Variants in ODF2L observed in about 807,000 individuals in gnomAD.
ODF2L encodes the protein protein BCAP.
In ODF2L, 76 loss-of-function variants were observed where a neutral mutation model predicts 86.3. The observed-to-expected ratio is 0.88, with a 90% CI of 0.73 to 1.07. The LOEUF (loss-of-function observed/expected upper bound fraction) is 1.07, where lower values mean the gene tolerates loss of function less well. Among genes scored for constraint, ODF2L ranks in the 50% least tolerant of loss-of-function variants. The pLI is 0.00. For synonymous variants in ODF2L, 241 were observed against 231.3 expected (o/e 1.04, Z -0.38); for missense variants, 748 against 717.4 (o/e 1.04, Z -0.49).
intron 17 of ODF2L, chr1:86,352,287 C>A: frequency 2.2e-6 from 3 of 1,381,172 alleles, no homozygotes; most frequent in Non-Finnish European, 2.8e-6. Context: ...ATGAGTAATG[C>A]TAGCTTTCAG....
chr1:86,362,970 T>C (rs1273559464), intron 11 of ODF2L, among the ~76,000 whole-genome samples: 1 of 152,116 alleles, frequency 6.6e-6, no homozygotes, highest in Non-Finnish European at 1.5e-5. Flanking sequence ...TACATTTTTA[T>C]AGAAACAACT....
exon 18 of ODF2L, chr1:86,351,940 G>T: frequency 8.3e-7 from 1 of 1,198,994 alleles, no homozygotes; most frequent in Non-Finnish European, 1.0e-6. Context: ...TTTTTTCAGA[G>T]GCTTCAATTA....
At chr1:86,376,647 G>A (rs1660194056) in intron 7 of ODF2L, among the ~76,000 whole-genome samples, 1 of 152,044 alleles carries the variant, frequency 6.6e-6, no homozygotes, top group Non-Finnish European at 1.5e-5. Context: ...AGAAGGCAGA[G>A]GAAGAAAGGA....
At chr1:86,363,440 T>TA (rs1254990760) in intron 11 of ODF2L, among the ~76,000 whole-genome samples, 1 of 152,190 alleles carries the variant, frequency 6.6e-6, no homozygotes. Flanking sequence ...AGATTTGTTT[T>TA]AAAATTAGCA....
chr1:86,347,698 G>A (rs1657881123), downstream of ODF2L: 1 of 152,174 alleles, frequency 6.6e-6, no homozygotes, highest in African/African-American at 2.4e-5. Flanking sequence ...TCATAGGCTG[G>A]AACTGTGTAG....
intron 1 of ODF2L, among the ~76,000 whole-genome samples, chr1:86,392,617 T>C (rs562890553): frequency 1.3e-5 from 2 of 152,028 alleles, no homozygotes; most frequent in East Asian, 3.9e-4. Flanking sequence ...GCTATGAGGA[T>C]GCAAAGGGGT....
chr1:86,347,299 A>G (rs1657855070), downstream of ODF2L: 1 of 152,204 alleles, frequency 6.6e-6, no homozygotes, highest in African/African-American at 2.4e-5. Flanking sequence ...TTATATGACT[A>G]AGATACATTT....
chr1:86,350,622 T>C (rs111445636), exon 18 of ODF2L: 5 of 152,224 alleles, frequency 3.3e-5, no homozygotes, highest in Non-Finnish European at 5.9e-5. Flanking sequence ...TACCCAGTAA[T>C]GGGATTGCTG....
Position 86,392,774 on chromosome 1 carries a change from T to A in ODF2L, c.-60+3259A>T, listed in dbSNP as rs1570447270. 2.6e-5 allele frequency among the ~76,000 whole-genome samples: 4 copies of A among 152,246 alleles called. No homozygotes were observed. In the South Asian group the frequency reaches 8.3e-4, roughly 32 times the overall value. On this transcript the variant is annotated intron_variant, in intron 1 of 17. Transcript: ENST00000317336. ...AAATCACCACTCAAGAACTCACTCA[T>A]GTAACCAAATACCACCTGTTCCCCA...
intron 11 of ODF2L, among the ~76,000 whole-genome samples, chr1:86,368,000 C>T (rs1659561277): frequency 6.6e-6 from 1 of 152,114 alleles, no homozygotes; most frequent in South Asian, 2.1e-4. Flanking sequence ...CATTAATTGT[C>T]TGAACCATGT....
intron 11 of ODF2L, among the ~76,000 whole-genome samples, chr1:86,363,264 T>C (rs1659171622): frequency 6.6e-6 from 1 of 152,182 alleles, no homozygotes; most frequent in Non-Finnish European, 1.5e-5. Context: ...ATGACAACTT[T>C]TAGACACCTA....
downstream of ODF2L, chr1:86,348,373 CA>C (rs1657911830): frequency 6.6e-6 from 1 of 150,998 alleles, no homozygotes; most frequent in African/African-American, 2.4e-5. Context: ...TAATATAAAA[CA>C]ATTATATATA....
At chr1:86,352,114 C>T in exon 18 of ODF2L, 3 of 1,455,922 alleles carry the variant, frequency 2.1e-6, no homozygotes, top group East Asian at 2.6e-5. Flanking sequence ...TCAAATTGTG[C>T]ATGCCAAAAA....
In ODF2L at chr1:86,354,605, C is replaced by T. The variant is rs756006804; in HGVS notation, c.1692G>A (p.Lys564=). 7.5e-6 allele frequency: 12 copies of T among 1,609,972 alleles called. No individual in the cohort carries two copies. In the South Asian group the frequency reaches 1.2e-4, roughly 16 times the overall value. The stretch of plus-strand genomic sequence containing the variant: ...TATACTCTGCAGATTTCTCTTTAAA[C>T]TTAAGATTGCTGTGCTTAAGACATT... Residue 564 remains lysine (K), a synonymous_variant, in exon 16 of 18, where the codon AAG becomes AAA. Transcript: ENST00000317336.
At chr1:86,355,356 CAG>C in intron 14 of ODF2L, 1 of 1,538,800 alleles carries the variant, frequency 6.5e-7, no homozygotes, top group Non-Finnish European at 8.8e-7. Flanking sequence ...CATGCCAAGA[CAG>C]AATATTCTTC....
At chr1:86,381,339 C>T (rs1353293509) in intron 7 of ODF2L, among the ~76,000 whole-genome samples, 1 of 152,106 alleles carries the variant, frequency 6.6e-6, no homozygotes, top group African/African-American at 2.4e-5. Context: ...TTTACTATGA[C>T]AGACCACTGC....
chr1:86,358,502 T>C (rs1193200564), intron 13 of ODF2L: 6 of 170,424 alleles, frequency 3.5e-5, no homozygotes, highest in African/African-American at 1.4e-4. Flanking sequence ...TTATGATTGA[T>C]AACCATTTTT....
chr1:86,377,796 A>G (rs1660281676), intron 7 of ODF2L, among the ~76,000 whole-genome samples: 1 of 152,226 alleles, frequency 6.6e-6, no homozygotes, highest in Non-Finnish European at 1.5e-5. Context: ...CCCAGCCCAC[A>G]AAACCACTTT....
intron 14 of ODF2L, chr1:86,355,226 T>C (rs1658450056): frequency 1.4e-6 from 1 of 694,854 alleles, no homozygotes; most frequent in Non-Finnish European, 2.4e-6. Flanking sequence ...TCTCTTATGG[T>C]TTTCTGTTTC....
Sources: gnomAD v4.1 joint callset for allele counts (sites outside exome capture counted in the v4.1 genomes callset) on GRCh38, gnomAD v4.1.1 for gene constraint, MANE v1.5 for transcripts, NCBI Gene and HGNC (gene_info 2026-07-23, HGNC 2026-07-21) for gene names.